The following CCDC178 variants were observed in gnomAD, a reference collection of about 807,000 sequenced individuals.
CCDC178 encodes coiled-coil domain-containing protein 178.
In CCDC178, 126 loss-of-function variants were observed where a neutral mutation model predicts 117.4. The observed-to-expected ratio is 1.07, with a 90% CI of 0.93 to 1.24. The LOEUF (loss-of-function observed/expected upper bound fraction) is 1.24. CCDC178 is among the 50% of genes most tolerant of loss of function. The probability of loss-of-function intolerance (pLI) is 0.00; values close to 1 mark genes in which losing one functional copy is unlikely to be tolerated. For synonymous variants in CCDC178, 283 were observed against 313.4 expected (o/e 0.90, Z 1.02); for missense variants, 1,030 against 986.9 (o/e 1.04, Z -0.59).
intron 12 of CCDC178, among the ~76,000 whole-genome samples, chr18:33,283,277 T>C (rs2060047925): frequency 6.6e-6 from 1 of 151,940 alleles, no homozygotes; most frequent in Admixed American, 6.6e-5. Flanking sequence ...ATCCTCCTTA[T>C]ATTAAGTATA....
At chr18:33,249,626 T>C (rs567550798) in intron 14 of CCDC178, among the ~76,000 whole-genome samples, 58 of 152,234 alleles carry the variant, frequency 3.8e-4, no homozygotes, top group African/African-American at 1.3e-3. Flanking sequence ...CATTCAGCTC[T>C]ATCTCTGTTT....
chr18:33,255,541 T>C (rs928108993), intron 14 of CCDC178, among the ~76,000 whole-genome samples: 3 of 151,864 alleles, frequency 2.0e-5, no homozygotes, highest in East Asian at 3.9e-4. Context: ...TTTAAAGAAG[T>C]TGGTAAGATG....
At chr18:33,258,529 T>C (rs373364555) in intron 14 of CCDC178, among the ~76,000 whole-genome samples, 29 of 152,122 alleles carry the variant, frequency 1.9e-4, no homozygotes, top group African/African-American at 7.0e-4. Flanking sequence ...ATTATTCAGT[T>C]TTATTGTCCC....
At chr18:33,356,511 C>T (rs547819988) in intron 6 of CCDC178, among the ~76,000 whole-genome samples, 165 bp from the exon 7 acceptor site, 9 of 151,476 alleles carry the variant, frequency 5.9e-5, no homozygotes, top group Admixed American at 4.0e-4. Flanking sequence ...AATTCTAAGC[C>T]CCCCCAACTG....
chr18:33,273,041 CA>C (rs150996114), intron 12 of CCDC178, among the ~76,000 whole-genome samples: 10,279 of 123,932 alleles, frequency 0.083, 529 homozygotes, highest in African/African-American at 0.17. Context: ...AGTAATTAGG[CA>C]AAAAAAAAAT....
At chr18:33,304,863 C>T (rs971964680) in intron 11 of CCDC178, among the ~76,000 whole-genome samples, 1 of 152,168 alleles carries the variant, frequency 6.6e-6, no homozygotes, top group Non-Finnish European at 1.5e-5. Flanking sequence ...AGGAAGGCAG[C>T]GCTCAAGTTC....
intron 20 of CCDC178, among the ~76,000 whole-genome samples, chr18:33,126,997 A>AAAAAT (rs71266914): frequency 7.5e-4 from 106 of 141,166 alleles, no homozygotes; most frequent in African/African-American, 2.8e-3. Flanking sequence ...AAAAAAAAAA[A>AAAAAT]ATATATATAT....
chr18:33,414,401 CT>C (rs1413630678), intron 2 of CCDC178, among the ~76,000 whole-genome samples: 1 of 152,136 alleles, frequency 6.6e-6, no homozygotes, highest in Non-Finnish European at 1.5e-5. Context: ...CACCACACAT[CT>C]ACAACCATCT....
intron 7 of CCDC178, among the ~76,000 whole-genome samples, chr18:33,353,533 C>T (rs544080067): frequency 1.3e-5 from 2 of 151,440 alleles, no homozygotes; most frequent in Non-Finnish European, 2.9e-5. Context: ...GTTTAGTTTC[C>T]CTCTTTGTTT....
chr18:32,946,974 G>A (rs886524952), intron 22 of CCDC178, among the ~76,000 whole-genome samples: 2 of 151,814 alleles, frequency 1.3e-5, no homozygotes, highest in Non-Finnish European at 2.9e-5. Context: ...TAGAGACGGG[G>A]TTTCACCGCG....
intron 21 of CCDC178, among the ~76,000 whole-genome samples, chr18:32,980,043 A>G (rs552911600): frequency 3.9e-5 from 6 of 152,340 alleles, no homozygotes; most frequent in African/African-American, 1.4e-4. Context: ...AATAAAAGTA[A>G]AGTAGATTGA....
At chr18:33,091,734 T>C (rs547930930) in intron 21 of CCDC178, among the ~76,000 whole-genome samples, 40 of 152,282 alleles carry the variant, frequency 2.6e-4, no homozygotes, top group African/African-American at 9.4e-4. Flanking sequence ...GGGAAGTACA[T>C]AGGGGGATGC....
At chr18:33,433,432 G>A (rs2064247158) in intron 2 of CCDC178, among the ~76,000 whole-genome samples, 1 of 152,130 alleles carries the variant, frequency 6.6e-6, no homozygotes, top group African/African-American at 2.4e-5. Context: ...AAGGTCATGA[G>A]TTTTCTTTTC....
intron 20 of CCDC178, among the ~76,000 whole-genome samples, chr18:33,162,900 T>C (rs2058484417): frequency 6.6e-6 from 1 of 152,190 alleles, no homozygotes; most frequent in Non-Finnish European, 1.5e-5. Flanking sequence ...AATGTTCGTG[T>C]GTATGTGTCT....
rs1317827155 is a variant in CCDC178 at position 33,349,085 on chromosome 18, T to C, written c.372-110A>G. 1.4e-5 allele frequency: 9 copies of C among 620,988 alleles called. No homozygotes were observed. In the Admixed American group the frequency reaches 2.9e-4, roughly 20 times the overall value. 38.5% of individuals were successfully genotyped at this position (620,988 alleles called of 1,614,324 possible). A position where few individuals can be genotyped will look rare whatever the true frequency, so the allele number is the denominator to read the frequency against. ...TAAATATTTGTGGTGAAACTTACTA[T>C]ACAAGATAATCTTACTAGATAGGAG... On this transcript the variant is annotated intron_variant, in intron 7 of 22. Coordinates refer to ENST00000383096, the MANE Select transcript of CCDC178 (RefSeq NM_001105528.4).
chr18:33,011,597 A>G (rs2055866541), intron 21 of CCDC178, among the ~76,000 whole-genome samples: 1 of 151,778 alleles, frequency 6.6e-6, no homozygotes, highest in African/African-American at 2.4e-5. Context: ...AGCAACATGA[A>G]ACAAAGACAC....
chr18:33,194,513 C>A (rs1023264845), intron 20 of CCDC178, among the ~76,000 whole-genome samples: 2 of 152,190 alleles, frequency 1.3e-5, no homozygotes, highest in African/African-American at 2.4e-5. Flanking sequence ...TTCACATTCA[C>A]CAACTCTAAT....
chr18:32,941,472 TAA>T (rs1360032281), intron 22 of CCDC178, among the ~76,000 whole-genome samples: 2 of 152,096 alleles, frequency 1.3e-5, no homozygotes, highest in African/African-American at 4.8e-5. Flanking sequence ...AGCCCATTTT[TAA>T]AAGAGATATA....
At chr18:33,129,824 T>C (rs186380289) in intron 20 of CCDC178, among the ~76,000 whole-genome samples, 1 of 152,188 alleles carries the variant, frequency 6.6e-6, no homozygotes, top group African/African-American at 2.4e-5. Context: ...CTAGTCATTT[T>C]CTGAGATTCA....
Sources: gnomAD v4.1 joint callset for allele counts (sites outside exome capture counted in the v4.1 genomes callset) on GRCh38, gnomAD v4.1.1 for gene constraint, MANE v1.5 for transcripts, NCBI Gene and HGNC (gene_info 2026-07-23, HGNC 2026-07-21) for gene names.